GRIK4: variants seen among roughly 807,000 people sequenced by gnomAD.
GRIK4 encodes glutamate ionotropic receptor kainate type subunit 4, also known as glutamate receptor ionotropic, kainate 4.
GRIK4 carries 40 observed loss-of-function variants against 104.9 expected under a neutral mutation model. The observed-to-expected ratio is 0.38, with a 90% CI of 0.30 to 0.50. GRIK4 has a LOEUF of 0.50. GRIK4 is among the 20% of genes least tolerant of loss of function. The pLI is 0.93. For missense variants in GRIK4, 1,047 were observed against 1,308.1 expected (o/e 0.80, Z 3.08); for synonymous variants, 485 against 524.9 (o/e 0.92, Z 1.04).
At chr11:120,530,134 G>A (rs1947907453) in intron 1 of GRIK4, among the ~76,000 whole-genome samples, 1 of 152,278 alleles carries the variant, frequency 6.6e-6, no homozygotes, top group Non-Finnish European at 1.5e-5. Context: ...AGGTGCGGGT[G>A]TGGAGAAACG....
intron 3 of GRIK4, among the ~76,000 whole-genome samples, chr11:120,759,344 G>A (rs1056569881): frequency 6.6e-6 from 1 of 152,172 alleles, no homozygotes; most frequent in Admixed American, 6.5e-5. Flanking sequence ...GGCCAGGGAG[G>A]CTGTCAGCAT....
intron 3 of GRIK4, among the ~76,000 whole-genome samples, chr11:120,743,410 A>G (rs11828621): frequency 0.12 from 17,611 of 152,056 alleles, 1,189 homozygotes; most frequent in Middle Eastern, 0.14. Context: ...TATCAGACAC[A>G]GGGGTCTACT....
intron 20 of GRIK4, 38 bp from the exon 21 acceptor site, chr11:120,985,866 G>A: frequency 6.5e-7 from 1 of 1,546,726 alleles, no homozygotes. Context: ...ACGGGGGCTG[G>A]TTGAGAGGCT....
intron 1 of GRIK4, among the ~76,000 whole-genome samples, chr11:120,594,699 G>A (rs954662784): frequency 6.6e-6 from 1 of 152,176 alleles, no homozygotes. Flanking sequence ...TTCCATGAAA[G>A]AGGTGGTGGT....
chr11:120,845,048 T>C (rs779248694), intron 8 of GRIK4, among the ~76,000 whole-genome samples: 5 of 152,176 alleles, frequency 3.3e-5, no homozygotes, highest in Non-Finnish European at 7.3e-5. Flanking sequence ...AGCTGACTCA[T>C]AGAGCCAGAA....
chr11:120,942,584 G>A (rs767326209), intron 14 of GRIK4, among the ~76,000 whole-genome samples: 23 of 152,118 alleles, frequency 1.5e-4, no homozygotes, highest in Non-Finnish European at 3.2e-4. Context: ...AACACCTACT[G>A]CTAGGCTGCC....
At chr11:120,695,235 C>A in intron 3 of GRIK4, among the ~76,000 whole-genome samples, 1 of 152,222 alleles carries the variant, frequency 6.6e-6, no homozygotes, top group East Asian at 1.9e-4. Flanking sequence ...TAGGGCCACC[C>A]CAACATGGCT....
chr11:120,872,311 T>C (rs1269520251), intron 9 of GRIK4: 4 of 223,446 alleles, frequency 1.8e-5, no homozygotes, highest in East Asian at 2.2e-4. Flanking sequence ...TTGGTGTTCA[T>C]GCTTTTAAGC....
chr11:120,919,933 T>C, intron 13 of GRIK4, among the ~76,000 whole-genome samples: 1 of 151,932 alleles, frequency 6.6e-6, no homozygotes, highest in Non-Finnish European at 1.5e-5. Context: ...GATAAGGAAT[T>C]AGACATGGGT....
intron 3 of GRIK4, among the ~76,000 whole-genome samples, chr11:120,715,500 G>C (rs542855730): frequency 1.3e-5 from 2 of 152,310 alleles, no homozygotes; most frequent in East Asian, 3.9e-4. Context: ...CCTAAAGTGT[G>C]TTCCACCCCT....
At chr11:120,760,606 C>T (rs964852874) in intron 3 of GRIK4, among the ~76,000 whole-genome samples, 6 of 152,130 alleles carry the variant, frequency 3.9e-5, no homozygotes, top group Admixed American at 2.6e-4. Context: ...AGACTCCCAA[C>T]CCCCGACAGG....
chr11:120,957,350 T>C (rs1242775346), intron 16 of GRIK4, among the ~76,000 whole-genome samples: 1 of 152,274 alleles, frequency 6.6e-6, no homozygotes, highest in African/African-American at 2.4e-5. Flanking sequence ...GAAGCCAGCC[T>C]GGCTGCTACA....
At chr11:120,582,518 T>A (rs1948600355) in intron 1 of GRIK4, among the ~76,000 whole-genome samples, 1 of 152,182 alleles carries the variant, frequency 6.6e-6, no homozygotes, top group Non-Finnish European at 1.5e-5. Context: ...TGTGTCCATG[T>A]GTATTCAGCA....
chr11:120,867,790 G>C (rs1299407763), intron 9 of GRIK4: 1 of 151,984 alleles, frequency 6.6e-6, no homozygotes, highest in Non-Finnish European at 1.5e-5. Flanking sequence ...GCAAGCAGAA[G>C]AAGGGATGTC....
intron 3 of GRIK4, among the ~76,000 whole-genome samples, chr11:120,715,223 T>G (rs912735349): frequency 3.3e-5 from 5 of 152,094 alleles, no homozygotes; most frequent in African/African-American, 1.2e-4. Flanking sequence ...GCCAAGGATA[T>G]GTGTGATCAA....
chr11:120,610,608 G>GCT (rs1949024229), intron 1 of GRIK4, among the ~76,000 whole-genome samples: 1 of 152,176 alleles, frequency 6.6e-6, no homozygotes, highest in Admixed American at 6.5e-5. Context: ...GAGACCAGAT[G>GCT]GTAGGGGACA....
At chr11:120,943,107 T>TACACACAC (rs1222269285) in intron 14 of GRIK4, among the ~76,000 whole-genome samples, 17 of 106,838 alleles carry the variant, frequency 1.6e-4, no homozygotes, top group South Asian at 4.0e-4. Context: ...TGTCCCTCTC[T>TACACACAC]ACACACACAC....
intron 13 of GRIK4, among the ~76,000 whole-genome samples, chr11:120,918,678 C>T (rs779266479): frequency 1.9e-4 from 29 of 152,180 alleles, no homozygotes; most frequent in African/African-American, 6.8e-4. Flanking sequence ...ATTCATACAA[C>T]GTCCCCAACT....
intron 1 of GRIK4, among the ~76,000 whole-genome samples, chr11:120,594,613 G>A (rs1948776705): frequency 6.6e-6 from 1 of 152,160 alleles, no homozygotes; most frequent in African/African-American, 2.4e-5. Flanking sequence ...TTGATCAGTT[G>A]CCTTCCTAAC....
Sources: allele counts gnomAD v4.1 joint callset (sites outside exome capture counted in the v4.1 genomes callset), GRCh38; gene constraint gnomAD v4.1.1; transcripts MANE v1.5; gene names NCBI Gene and HGNC (gene_info 2026-07-23, HGNC 2026-07-21).